The following BBOF1 variants were observed in gnomAD, a reference collection of about 807,000 sequenced individuals.
BBOF1 encodes basal body-orientation factor 1.
A neutral mutation model predicts 68.0 loss-of-function variants in BBOF1; 62 were observed. The ratio of observed to expected loss-of-function variants is 0.91; its 90% CI spans 0.74 to 1.13. The LOEUF (loss-of-function observed/expected upper bound fraction) is 1.13, where lower values mean the gene tolerates loss of function less well. BBOF1 is among the 50% of genes most tolerant of loss of function. The probability of loss-of-function intolerance (pLI) is 0.00; values close to 1 mark genes in which losing one functional copy is unlikely to be tolerated. For missense variants in BBOF1, 534 were observed against 600.1 expected (o/e 0.89, Z 1.15); for synonymous variants, 208 against 198.8 (o/e 1.05, Z -0.39).
In BBOF1 at chr14:74,065,434, T is replaced by C; in HGVS notation, c.*735T>C. On this transcript the variant is annotated 3_prime_UTR_variant, in exon 12 of 12. Coordinates refer to ENST00000394009, the MANE Select transcript of BBOF1 (RefSeq NM_025057.3). ...AGTATTTTATGCTTATTTGGTACTT[T>C]CACTTACTACACATCATTTACGTGG... 1 of 1,325,260 alleles carries C rather than the reference T, an allele frequency of 7.5e-7. No homozygotes were observed. The highest frequency in any genetic ancestry group is 1.1e-6 in the Non-Finnish European group (1 of 935,290). 82.1% of individuals were successfully genotyped at this position (1,325,260 alleles called of 1,614,324 possible).
chr14:74,033,834 C>T (rs1037827517), intron 3 of BBOF1, among the ~76,000 whole-genome samples, 194 bp from the exon 4 acceptor site: 2 of 151,860 alleles, frequency 1.3e-5, no homozygotes, highest in Non-Finnish European at 2.9e-5. Context: ...CCATCGCACT[C>T]CAGCCTGGGC....
At chr14:74,038,327 T>C (rs1407537471) in intron 4 of BBOF1, among the ~76,000 whole-genome samples, 2 of 152,234 alleles carry the variant, frequency 1.3e-5, no homozygotes, top group African/African-American at 4.8e-5. Flanking sequence ...CATGAACTCT[T>C]AAAATAGCCT....
At chr14:74,033,216 ATT>A (rs71115945) in intron 3 of BBOF1, among the ~76,000 whole-genome samples, 1 of 151,992 alleles carries the variant, frequency 6.6e-6, no homozygotes, top group African/African-American at 2.4e-5. Context: ...CTTTTCCAAA[ATT>A]TTTTTCTTAT....
At position 74,051,070 on chromosome 14, in the gene BBOF1, C is replaced by T. The variant is rs141584298; in HGVS notation, c.1286+875C>T. ...ACCAGCCTGACCAACATGGTGAAAC[C>T]CTGTCTCTACTAAAAATACAAAAAT... On this transcript the variant is annotated intron_variant, in intron 8 of 11. Transcript: ENST00000394009. 1.2e-4 allele frequency among the ~76,000 whole-genome samples: 18 copies of T among 152,100 alleles called. No homozygotes were observed. In the East Asian group the frequency reaches 3.5e-3, roughly 29 times the overall value.
At chr14:74,066,616 A>C, downstream of BBOF1, 1 of 1,284,374 alleles carries the variant, frequency 7.8e-7, no homozygotes, top group Non-Finnish European at 1.1e-6. Flanking sequence ...TTAGTCATTA[A>C]GTATTTTCAT....
chr14:74,078,808 T>C (rs1206243772), intron 10 of BBOF1, among the ~76,000 whole-genome samples: 1 of 150,910 alleles, frequency 6.6e-6, no homozygotes, highest in Non-Finnish European at 1.5e-5. Flanking sequence ...GGATTACAGG[T>C]GTGAGCCACT....
chr14:74,019,406 C>G lies in BBOF1; in HGVS notation c.-73C>G. 3.3e-6 allele frequency: 5 copies of G among 1,534,184 alleles called. No homozygotes were observed. In the South Asian group the frequency reaches 4.8e-5, roughly 15 times the overall value. On this transcript the variant is annotated 5_prime_UTR_variant, in exon 1 of 12. Transcript: ENST00000394009. The stretch of plus-strand genomic sequence containing the variant: ...GCATTGCCAGCTCGGCGTCCCGGTT[C>G]CCTTGGAGACAGAGCTGGCCAGGGC...
chr14:74,033,828 C>T (rs538436128), intron 3 of BBOF1, among the ~76,000 whole-genome samples, 200 bp from the exon 4 acceptor site: 12 of 150,886 alleles, frequency 8.0e-5, no homozygotes, highest in Non-Finnish European at 1.5e-4. Context: ...ATCGCGCCAT[C>T]GCACTCCAGC....
chr14:74,031,848 A>T (rs2059577815), intron 3 of BBOF1: 1 of 152,100 alleles, frequency 6.6e-6, no homozygotes, highest in Non-Finnish European at 1.5e-5. Flanking sequence ...TCCCTTTTTG[A>T]TGGATAGTTG....
At chr14:74,078,259 C>T (rs746239208) in exon 10 of BBOF1, 3 of 455,868 alleles carry the variant, frequency 6.6e-6, no homozygotes, top group African/African-American at 2.0e-5. Context: ...CAAAACTGAA[C>T]TCAACCTAAT....
At chr14:74,072,666 C>A in intron 9 of BBOF1, 2 of 1,585,986 alleles carry the variant, frequency 1.3e-6, no homozygotes. Context: ...TTTGTATTAG[C>A]TAATTGCTTT....
At chr14:74,026,444 CAAA>C (rs1166375665) in intron 2 of BBOF1, among the ~76,000 whole-genome samples, 2 of 33,080 alleles carry the variant, frequency 6.0e-5, no homozygotes, top group African/African-American at 2.2e-4. Flanking sequence ...AACTCCATCT[CAAA>C]AAAAAAAAAA....
chr14:74,022,817 AAG>A (rs1217909807), intron 1 of BBOF1, 97 bp from the exon 2 acceptor site: 5 of 497,530 alleles, frequency 1.0e-5, no homozygotes, highest in African/African-American at 6.0e-5. Flanking sequence ...CAAATAAAAA[AAG>A]AGAAAAATTT....
intron 4 of BBOF1, 98 bp downstream of exon 4, chr14:74,034,269 A>AG: frequency 1.3e-6 from 1 of 761,478 alleles, no homozygotes; most frequent in Non-Finnish European, 1.9e-6. Flanking sequence ...GACGGCAAAG[A>AG]ACTCTCTTTG....
At position 74,047,914 on chromosome 14, in the gene BBOF1, C is replaced by G; in HGVS notation, c.648-16C>G. ...AAAAGTTAGACCTGTGTTTTGAGAT[C>G]TTATATCTATTTCAGGCAATTGAAC... is the stretch of plus-strand genomic sequence containing the variant. On this transcript the variant is annotated splice_polypyrimidine_tract_variant and intron_variant, in intron 6 of 11. Coordinates refer to ENST00000394009, the MANE Select transcript of BBOF1 (RefSeq NM_025057.3). The G allele has an allele frequency of 6.3e-7, 1 of 1,584,564 alleles. No homozygotes were observed. The highest frequency in any genetic ancestry group is 8.6e-7 in the Non-Finnish European group (1 of 1,168,580).
At chr14:74,037,582 G>C (rs2141020312) in intron 4 of BBOF1, among the ~76,000 whole-genome samples, 1 of 151,100 alleles carries the variant, frequency 6.6e-6, no homozygotes, top group Non-Finnish European at 1.5e-5. Context: ...GAGCCACCAT[G>C]CCCAGCCACC....
At chr14:74,055,934 G>A (rs1361779993) in intron 9 of BBOF1, among the ~76,000 whole-genome samples, 3 of 152,146 alleles carry the variant, frequency 2.0e-5, no homozygotes, top group African/African-American at 7.2e-5. Flanking sequence ...GATGTTTAAG[G>A]TAGTGCTTAT....
At chr14:74,031,454 T>G (rs1416907790) in intron 3 of BBOF1, among the ~76,000 whole-genome samples, 1 of 152,152 alleles carries the variant, frequency 6.6e-6, no homozygotes, top group African/African-American at 2.4e-5. Flanking sequence ...TGTGTGGATA[T>G]ATCATAGTTT....
rs371951763 is a variant in BBOF1, at chr14:74,044,239, CTGTCTCAAAACAATAATAATAAAA to C, written c.577-1819_577-1796del. 3.6e-3 allele frequency among the ~76,000 whole-genome samples: 544 copies of C among 152,004 alleles called. 4 individuals are homozygous for C. Among genetic ancestry groups the C allele is most frequent in the African/African-American group, 0.012 (512 of 41,480 alleles). On this transcript the variant is annotated intron_variant, in intron 5 of 11. Coordinates refer to ENST00000394009, the MANE Select transcript of BBOF1 (RefSeq NM_025057.3). Reference sequence around the variant, plus strand: ...CCAGCCTGGGTGACAGAGTGAGACTCTGTCTCAAAACAATAATAATAAAATAAATAAATAAATAAATAATAAAAC... The same window carrying C: ...CCAGCCTGGGTGACAGAGTGAGACTCTAAATAAATAAATAAATAATAAAAC...
Sources: gnomAD v4.1 joint callset for allele counts (sites outside exome capture counted in the v4.1 genomes callset) on GRCh38, gnomAD v4.1.1 for gene constraint, MANE v1.5 for transcripts, NCBI Gene and HGNC (gene_info 2026-07-23, HGNC 2026-07-21) for gene names.